The following RHOT1 variants were observed in gnomAD, a reference collection of about 807,000 sequenced individuals.
The protein encoded by RHOT1 is mitochondrial Rho GTPase 1.
In RHOT1, 27 loss-of-function variants were observed where a neutral mutation model predicts 95.3. The observed-to-expected ratio is 0.28, with a 90% confidence interval of 0.21 to 0.39. RHOT1 has a LOEUF of 0.39. RHOT1 is among the 10% of genes least tolerant of loss of function. RHOT1 has a pLI of 1.00. For missense variants in RHOT1, 578 were observed against 786.7 expected (o/e 0.73, Z 3.17); for synonymous variants, 227 against 263.5 (o/e 0.86, Z 1.34).
chr17:32,163,244 T>C (rs1242898375), intron 1 of RHOT1, among the ~76,000 whole-genome samples: 4 of 151,956 alleles, frequency 2.6e-5, no homozygotes. Flanking sequence ...GAGAAAGGGA[T>C]AGGAAATTTG....
chr17:32,218,318 G>A (rs2038611063), intron 19 of RHOT1, among the ~76,000 whole-genome samples: 1 of 151,766 alleles, frequency 6.6e-6, no homozygotes, highest in African/African-American at 2.4e-5. Context: ...GTGAGAGCCT[G>A]TCTCTACAAA....
rs952150216 is a variant in RHOT1 at position 32,199,338 on chromosome 17, G to A, written c.955-67G>A. The A allele has an allele frequency of 4.9e-6, 7 of 1,435,040 alleles. No individual in the cohort carries two copies. The African/African-American group carries it at 8.7e-5, about 18-fold the overall frequency. 88.9% of individuals were successfully genotyped at this position (1,435,040 alleles called of 1,614,324 possible). ...TAAAAAGCATAGCTTTACTAGATTG[G>A]GGGGCTTTTGAGTTGGGAATTATTA... On this transcript the variant is annotated intron_variant, in intron 12 of 19. Transcript: ENST00000545287.
At chr17:32,154,159 G>GGGC (rs2032664492) in intron 1 of RHOT1, among the ~76,000 whole-genome samples, 1 of 151,404 alleles carries the variant, frequency 6.6e-6, no homozygotes, top group Non-Finnish European at 1.5e-5. Flanking sequence ...AAGAGAAAAG[G>GGGC]GGCCAGGCAC....
intron 14 of RHOT1, among the ~76,000 whole-genome samples, chr17:32,201,516 A>G (rs148717483): frequency 6.2e-4 from 94 of 152,354 alleles, no homozygotes; most frequent in African/African-American, 2.1e-3. Context: ...AGAGTTTCTT[A>G]TATCCCTGTT....
At chr17:32,145,743 G>A (rs915504338) in intron 1 of RHOT1, among the ~76,000 whole-genome samples, 3 of 152,124 alleles carry the variant, frequency 2.0e-5, no homozygotes. Flanking sequence ...AGCCAGGTGT[G>A]GTGGCTCATG....
chr17:32,176,530 G>C (rs2035014796), intron 6 of RHOT1, among the ~76,000 whole-genome samples: 1 of 150,930 alleles, frequency 6.6e-6, no homozygotes, highest in South Asian at 2.1e-4. Flanking sequence ...ACTGCTGCTT[G>C]AAAAGTCTCA....
At chr17:32,213,863 A>T (rs1453946757) in intron 19 of RHOT1, among the ~76,000 whole-genome samples, 2 of 152,232 alleles carry the variant, frequency 1.3e-5, no homozygotes, top group African/African-American at 4.8e-5. Flanking sequence ...ACAGATGTGC[A>T]TTAAATGAAT....
intron 8 of RHOT1, among the ~76,000 whole-genome samples, chr17:32,184,595 A>T (rs1373338100): frequency 6.6e-6 from 1 of 150,966 alleles, no homozygotes; most frequent in Non-Finnish European, 1.5e-5. Flanking sequence ...GGCTCAAGTG[A>T]TCCTCCTGCC....
At chr17:32,196,124 A>G (rs1023363743) in intron 11 of RHOT1, among the ~76,000 whole-genome samples, 1 of 152,054 alleles carries the variant, frequency 6.6e-6, no homozygotes, top group African/African-American at 2.4e-5. Flanking sequence ...GGATAAATAA[A>G]TAAAAATTTG....
chr17:32,208,319 T>TG lies in RHOT1; in HGVS notation c.1739+11dup. 1 of 1,610,036 alleles carries TG rather than the reference T, an allele frequency of 6.2e-7. No homozygotes were observed. Among genetic ancestry groups the TG allele is most frequent in the Non-Finnish European group, 8.5e-7 (1 of 1,176,284 alleles). On this transcript the variant is annotated intron_variant, in intron 18 of 19. Transcript: ENST00000545287. ...CAATGGCCATGTATCCGTAAGTACTTGCTGTCTTCATTTTCATGTTGCATG... is the reference window on the plus strand; with the variant it reads ...CAATGGCCATGTATCCGTAAGTACTTGGCTGTCTTCATTTTCATGTTGCATG...
intron 1 of RHOT1, among the ~76,000 whole-genome samples, chr17:32,169,967 C>A (rs1054186007): frequency 6.6e-6 from 1 of 151,920 alleles, no homozygotes; most frequent in African/African-American, 2.4e-5. Flanking sequence ...CCAAAAAAAT[C>A]ACACCACTGC....
chr17:32,199,660 A>G (rs2037165880), intron 13 of RHOT1, 110 bp downstream of exon 13: 2 of 874,574 alleles, frequency 2.3e-6, no homozygotes, highest in Non-Finnish European at 1.7e-6. Flanking sequence ...TTCTTCAATC[A>G]TAATTGCCTC....
At chr17:32,166,707 A>G (rs1414773758) in intron 1 of RHOT1, among the ~76,000 whole-genome samples, 1 of 152,176 alleles carries the variant, frequency 6.6e-6, no homozygotes, top group Non-Finnish European at 1.5e-5. Flanking sequence ...TAAACTCTTC[A>G]TCTGTTCAAG....
intron 6 of RHOT1, among the ~76,000 whole-genome samples, chr17:32,181,321 C>A (rs1214707051): frequency 6.6e-6 from 1 of 150,890 alleles, no homozygotes; most frequent in South Asian, 2.1e-4. Flanking sequence ...AACAAAAAAT[C>A]ATTCTTAATC....
At chr17:32,205,386 A>T (rs543283982) in intron 16 of RHOT1, among the ~76,000 whole-genome samples, 27 of 152,088 alleles carry the variant, frequency 1.8e-4, no homozygotes, top group South Asian at 1.4e-3. Context: ...CTATTTTTTT[A>T]AAAAAATATT....
chr17:32,196,997 C>T (rs1022492315), intron 11 of RHOT1, among the ~76,000 whole-genome samples: 1 of 151,556 alleles, frequency 6.6e-6, no homozygotes, highest in Non-Finnish European at 1.5e-5. Flanking sequence ...GTGGCGGGCA[C>T]CTGTAATCCC....
chr17:32,182,807 G>T lies in RHOT1; in HGVS notation c.380G>T (p.Ser127Ile). ...AAATCTGATCTGGTGGAATATAGTA[G>T]TATGGAGACCATCCTTCCTATTATG... ...GNKSDLVEYS[S>I]METILPIMNQ... The change falls in exon 7 of 20, where the codon AGT becomes ATT. Residue 127 changes from serine (S) to isoleucine (I), a missense_variant. Physicochemically the swap from Ser to Ile is moderately radical, Grantham distance 142 (BLOSUM62 -2). Coordinates refer to ENST00000545287, the MANE Select transcript of RHOT1 (RefSeq NM_001033566.3). 1 of 1,609,074 alleles carries T rather than the reference G, an allele frequency of 6.2e-7. No individual in the cohort carries two copies. Among genetic ancestry groups the T allele is most frequent in the East Asian group, 2.2e-5 (1 of 44,746 alleles).
chr17:32,196,064 A>C lies in RHOT1; in HGVS notation c.869+1957A>C, dbSNP rs185678777. Among the ~76,000 whole-genome samples, 63 of 152,108 alleles carry C rather than the reference A, an allele frequency of 4.1e-4. No individual in the cohort carries two copies. The East Asian group carries it at 0.012, about 28-fold the overall frequency. The stretch of plus-strand genomic sequence containing the variant: ...CTGGAGCTACTACACGAATATTTCT[A>C]TCCTTATGAAACCCTCTGCATCTAT... On this transcript the variant is annotated intron_variant, in intron 11 of 19. Coordinates refer to ENST00000545287, the MANE Select transcript of RHOT1 (RefSeq NM_001033566.3).
In RHOT1 at chr17:32,177,647, C is replaced by T. The variant is rs542302846; in HGVS notation, c.329+1434C>T. ...GGAGGCGCCTGTAGTCCCAGCTACT[C>T]GGGAGGCTGAAGCAGGAGAATGGCA... On this transcript the variant is annotated intron_variant, in intron 6 of 19. Coordinates refer to ENST00000545287, the MANE Select transcript of RHOT1 (RefSeq NM_001033566.3). Among the ~76,000 whole-genome samples the T allele has an allele frequency of 4.0e-5, 6 of 149,458 alleles. No individual in the cohort carries two copies. In the East Asian group the frequency reaches 8.3e-4, roughly 21 times the overall value.
Sources: gnomAD v4.1 joint callset for allele counts (sites outside exome capture counted in the v4.1 genomes callset) on GRCh38, gnomAD v4.1.1 for gene constraint, MANE v1.5 for transcripts, NCBI Gene and HGNC (gene_info 2026-07-23, HGNC 2026-07-21) for gene names.